Variants in ANK3 observed in about 807,000 individuals in gnomAD.
The protein encoded by ANK3 is ankyrin-3.
ANK3 carries 57 observed loss-of-function variants against 370.9 expected under a neutral mutation model. The ratio of observed to expected loss-of-function variants is 0.15; its 90% CI spans 0.12 to 0.19. The LOEUF (loss-of-function observed/expected upper bound fraction) is 0.19. ANK3 is among the 10% of genes least tolerant of loss of function. The probability of loss-of-function intolerance (pLI) is 1.00; values close to 1 mark genes in which losing one functional copy is unlikely to be tolerated. For synonymous variants in ANK3, 1,929 were observed against 1,946.3 expected (o/e 0.99, Z 0.23); for missense variants, 4,439 against 5,302.1 (o/e 0.84, Z 5.06).
At chr10:60,181,896 A>C (rs1438995366) in intron 17 of ANK3, among the ~76,000 whole-genome samples, 1 of 152,186 alleles carries the variant, frequency 6.6e-6, no homozygotes, top group Non-Finnish European at 1.5e-5. Flanking sequence ...GGCATACTCG[A>C]AAGTGTAAGA....
chr10:60,258,834 A>G (rs1286132257), intron 7 of ANK3, among the ~76,000 whole-genome samples: 1 of 152,178 alleles, frequency 6.6e-6, no homozygotes, highest in East Asian at 1.9e-4. Context: ...CACAGGCAGA[A>G]AACAGAAATT....
intron 1 of ANK3, among the ~76,000 whole-genome samples, chr10:60,705,847 A>C (rs1273449970): frequency 2.5e-5 from 3 of 120,760 alleles, no homozygotes; most frequent in Non-Finnish European, 5.0e-5. Context: ...TTTTTTTGAG[A>C]CAAAGTTTCA....
intron 17 of ANK3, among the ~76,000 whole-genome samples, chr10:60,184,282 C>T (rs952861162): frequency 1.4e-4 from 22 of 152,102 alleles, no homozygotes; most frequent in Admixed American, 1.4e-3. Context: ...ACACTGGCAG[C>T]TCAGGAAAAA....
At chr10:60,420,769 A>G (rs567972792) in intron 2 of ANK3, among the ~76,000 whole-genome samples, 5 of 152,210 alleles carry the variant, frequency 3.3e-5, no homozygotes, top group South Asian at 2.1e-4. Flanking sequence ...TCCCTTTTAT[A>G]AAAGGGAATA....
intron 1 of ANK3, among the ~76,000 whole-genome samples, chr10:60,709,643 G>A (rs2079673343): frequency 1.3e-5 from 2 of 151,916 alleles, no homozygotes; most frequent in Admixed American, 1.3e-4. Flanking sequence ...TGGGCAACAT[G>A]GCGAAACCCT....
chr10:60,301,440 G>A (rs2043795436), intron 1 of ANK3, among the ~76,000 whole-genome samples: 1 of 138,340 alleles, frequency 7.2e-6, no homozygotes, highest in Non-Finnish European at 1.5e-5. Context: ...TTGAGACAGA[G>A]TCTCACTCTG....
intron 2 of ANK3, among the ~76,000 whole-genome samples, chr10:60,481,166 A>G (rs1287119164): frequency 6.6e-6 from 1 of 152,186 alleles, no homozygotes; most frequent in Non-Finnish European, 1.5e-5. Context: ...AACAAGCCTG[A>G]ACAACAGAGG....
intron 2 of ANK3, among the ~76,000 whole-genome samples, chr10:60,612,180 A>T (rs1595349169): frequency 1.3e-5 from 2 of 152,140 alleles, no homozygotes; most frequent in East Asian, 3.9e-4. Flanking sequence ...AAGTGACAGG[A>T]GCTGCAGGGG....
At chr10:60,410,720 G>A (rs1393820157) in intron 2 of ANK3, among the ~76,000 whole-genome samples, 2 of 151,978 alleles carry the variant, frequency 1.3e-5, no homozygotes, top group Non-Finnish European at 2.9e-5. Context: ...AAGCTGGAGT[G>A]CAATTGTGCA....
At chr10:60,430,445 G>T (rs1221659306) in intron 2 of ANK3, among the ~76,000 whole-genome samples, 1 of 151,356 alleles carries the variant, frequency 6.6e-6, no homozygotes, top group East Asian at 2.0e-4. Context: ...CTCCAAACTG[G>T]CAGGGCTTCT....
At chr10:60,067,853 A>G in intron 38 of ANK3, 82 bp downstream of exon 38, 2 of 1,130,752 alleles carry the variant, frequency 1.8e-6, no homozygotes, top group Non-Finnish European at 2.5e-6. Flanking sequence ...TCTATTTTTA[A>G]AATATATATA....
chr10:60,442,929 C>G (rs1322843978), intron 2 of ANK3, among the ~76,000 whole-genome samples: 2 of 152,166 alleles, frequency 1.3e-5, no homozygotes, highest in African/African-American at 4.8e-5. Flanking sequence ...AAATCAAACC[C>G]AAGGATCAAT....
In ANK3 at chr10:60,541,178, G is replaced by A. The variant is rs114607036; in HGVS notation, c.96+74008C>T. Among the ~76,000 whole-genome samples, 1,403 of 152,018 alleles carry A rather than the reference G, an allele frequency of 9.2e-3. 26 individuals are homozygous for A. Among genetic ancestry groups the A allele is most frequent in the African/African-American group, 0.032 (1,312 of 41,512 alleles). Reference sequence around the variant, plus strand: ...TTAGGTCAAAAATAAGCACGTATGCGTGCACATTTACATATGTAATGAAAA... The same window carrying A: ...TTAGGTCAAAAATAAGCACGTATGCATGCACATTTACATATGTAATGAAAA... On this transcript the variant is annotated intron_variant, in intron 2 of 43. Coordinates refer to the ANK3 transcript ENST00000373827.
At chr10:60,257,623 T>C (rs1044545113) in intron 7 of ANK3, among the ~76,000 whole-genome samples, 71 of 152,342 alleles carry the variant, frequency 4.7e-4, no homozygotes, top group Non-Finnish European at 1.8e-4. Flanking sequence ...AACTCTATTA[T>C]CCATGCTTCC....
At chr10:60,251,744 T>C (rs2097669545) in intron 7 of ANK3, among the ~76,000 whole-genome samples, 1 of 152,140 alleles carries the variant, frequency 6.6e-6, no homozygotes, top group Admixed American at 6.5e-5. Flanking sequence ...AGTTTCCTGA[T>C]TTCCCCTTCA....
chr10:60,685,064 T>C (rs1837949), intron 1 of ANK3: 426,559 of 1,335,330 alleles, frequency 0.32, 73,545 homozygotes, highest in South Asian at 0.49. Flanking sequence ...GATATGATCA[T>C]TAAAGAAAAG....
Position 60,071,008 on chromosome 10 carries a change from G to C in ANK3, c.9873C>G (p.Asp3291Glu). ...MIEVNLQDEH[D>E]KYQLAEPVIR... ...TGACAGGTTCAGCCAGCTGGTACTT[G>C]TCATGCTCATCTTGCAGATTGACTT... The change falls in exon 37 of 44, where the codon GAC becomes GAG. Residue 3291 changes from aspartate to glutamate, a missense_variant. Coordinates refer to ENST00000280772, the MANE Select transcript of ANK3 (RefSeq NM_020987.5). The C allele has an allele frequency of 6.2e-7, 1 of 1,614,114 alleles. No homozygotes were observed. The highest frequency in any genetic ancestry group is 8.5e-7 in the Non-Finnish European group (1 of 1,180,020).
chr10:60,102,575 T>C (rs2091464963), intron 28 of ANK3, among the ~76,000 whole-genome samples: 1 of 152,184 alleles, frequency 6.6e-6, no homozygotes, highest in Non-Finnish European at 1.5e-5. Flanking sequence ...ATTATCCTGC[T>C]CCTTAAACTT....
At chr10:60,108,143 A>G (rs1293435213) in intron 27 of ANK3, 2 of 406,010 alleles carry the variant, frequency 4.9e-6, no homozygotes, top group Non-Finnish European at 9.7e-6. Flanking sequence ...AAAATGGAAA[A>G]AAAAAAATTG....
Sources: allele counts gnomAD v4.1 joint callset (sites outside exome capture counted in the v4.1 genomes callset), GRCh38; gene constraint gnomAD v4.1.1; transcripts MANE v1.5; gene names NCBI Gene and HGNC (gene_info 2026-07-23, HGNC 2026-07-21).